The following TTR variants were observed in gnomAD, a reference collection of about 807,000 sequenced individuals.
TTR encodes the protein epididymis luminal protein 111.
A neutral mutation model predicts 13.7 loss-of-function variants in TTR; 8 were observed. That is an observed-to-expected ratio of 0.58 (90% confidence interval 0.34 to 1.05). The LOEUF (loss-of-function observed/expected upper bound fraction) is 1.05, where lower values mean the gene tolerates loss of function less well. TTR is among the 50% of genes least tolerant of loss of function. The pLI, the probability that TTR is intolerant of heterozygous loss-of-function variation, is 0.02. For missense variants in TTR, 135 were observed against 185.5 expected (o/e 0.73, Z 1.58); for synonymous variants, 75 against 71.7 (o/e 1.05, Z -0.23).
intron 3 of TTR, among the ~76,000 whole-genome samples, chr18:31,596,715 G>A (rs1472087339): frequency 6.6e-6 from 1 of 151,372 alleles, no homozygotes; most frequent in Non-Finnish European, 1.5e-5. Context: ...CACTCTGCTA[G>A]ATGCTGTGGA....
intron 2 of TTR, chr18:31,593,420 TC>T: frequency 7.3e-6 from 2 of 272,746 alleles, no homozygotes; most frequent in South Asian, 8.8e-5. Context: ...TTCCCTGGTG[TC>T]CCTGGGTAAC....
chr18:31,594,180 G>C (rs1336598443), intron 2 of TTR, among the ~76,000 whole-genome samples: 1 of 152,022 alleles, frequency 6.6e-6, no homozygotes, highest in Non-Finnish European at 1.5e-5. Flanking sequence ...AAGGAGGAGG[G>C]GCATAATCAG....
chr18:31,593,178 C>T, intron 2 of TTR, 152 bp downstream of exon 2: 2 of 1,151,202 alleles, frequency 1.7e-6, no homozygotes, highest in East Asian at 2.7e-5. Context: ...GAAGGATGCC[C>T]TCTTTTTGTT....
At chr18:31,594,741 G>A (rs1355662159) in intron 2 of TTR, among the ~76,000 whole-genome samples, 1 of 152,066 alleles carries the variant, frequency 6.6e-6, no homozygotes, top group African/African-American at 2.4e-5. Context: ...GCAGGCGCCT[G>A]TAATCCCAGC....
In TTR at chr18:31,591,978, GT is replaced by G; in HGVS notation, c.69+10del. ...GTCTGAGGCTGGCCCTACGGTGAGT[GT>G]TTCTGTGACATCCCATTCCTACATT... On this transcript the variant is annotated splice_region_variant and intron_variant, in intron 1 of 3. Coordinates refer to ENST00000237014, the MANE Select transcript of TTR (RefSeq NM_000371.4). The G allele has an allele frequency of 1.2e-6, 2 of 1,613,988 alleles. No homozygotes were observed. Among genetic ancestry groups the G allele is most frequent in the Non-Finnish European group, 1.7e-6 (2 of 1,179,914 alleles).
At chr18:31,592,844 C>G in intron 1 of TTR, 52 bp from the exon 2 acceptor site, 1 of 1,609,482 alleles carries the variant, frequency 6.2e-7, no homozygotes, top group Non-Finnish European at 8.5e-7. Context: ...AGAATAAATC[C>G]TTTCACTCTG....
intron 3 of TTR, among the ~76,000 whole-genome samples, chr18:31,597,714 C>T (rs1293913279): frequency 6.6e-6 from 1 of 152,212 alleles, no homozygotes; most frequent in Non-Finnish European, 1.5e-5. Context: ...CTACCTCTTT[C>T]CTGACCTCAA....
chr18:31,594,401 G>A (rs1056502759), intron 2 of TTR, among the ~76,000 whole-genome samples: 1 of 152,180 alleles, frequency 6.6e-6, no homozygotes, highest in Admixed American at 6.5e-5. Flanking sequence ...GTTTTCCACT[G>A]TGTGTGCAAA....
At chr18:31,598,445 T>C (rs1477224909) in intron 3 of TTR, 123 bp from the exon 4 acceptor site, 2 of 988,402 alleles carry the variant, frequency 2.0e-6, no homozygotes, top group African/African-American at 3.2e-5. Flanking sequence ...TTCAAACTGT[T>C]CCAAAATATA....
intron 2 of TTR, among the ~76,000 whole-genome samples, chr18:31,594,900 C>T (rs1477685851): frequency 2.0e-5 from 3 of 151,924 alleles, no homozygotes; most frequent in Non-Finnish European, 1.5e-5. Flanking sequence ...CTCTTCTTAT[C>T]AGAGAAAAAA....
intron 2 of TTR, 82 bp downstream of exon 2, chr18:31,593,108 A>G: frequency 6.3e-7 from 1 of 1,594,632 alleles, no homozygotes; most frequent in Non-Finnish European, 8.6e-7. Flanking sequence ...GGCTCACATC[A>G]TCTGCTAAAG....
In TTR at chr18:31,592,951, G is replaced by A. The variant is rs748604974; in HGVS notation, c.125G>A (p.Gly42Asp). 6.2e-7 allele frequency: 1 copy of A among 1,614,112 alleles called. No homozygotes were observed. The highest frequency in any genetic ancestry group is 8.5e-7 in the Non-Finnish European group (1 of 1,179,974). Residue 42 changes from glycine to aspartate, a missense_variant, in exon 2 of 4, where the codon GGC becomes GAC. By Grantham distance (94) the Gly-to-Asp change is moderately conservative. Coordinates refer to ENST00000237014, the MANE Select transcript of TTR (RefSeq NM_000371.4). ...LMVKVLDAVRGSPAINVAVHV... is the reference protein window; with the variant it reads ...LMVKVLDAVRDSPAINVAVHV... ...GTCAAAGTTCTAGATGCTGTCCGAG[G>A]CAGTCCTGCCATCAATGTGGCCGTG... is the stretch of plus-strand genomic sequence containing the variant.
chr18:31,596,142 C>T (rs2073515558), intron 3 of TTR: 2 of 154,446 alleles, frequency 1.3e-5, no homozygotes, highest in Admixed American at 1.3e-4. Flanking sequence ...TTTCTTAAGT[C>T]ATTTGAAACA....
At position 31,598,343 on chromosome 18, in the gene TTR, C is replaced by T. The variant is rs2073526834; in HGVS notation, c.337-225C>T. 1.1e-5 allele frequency: 7 copies of T among 655,008 alleles called. No individual in the cohort carries two copies. In the South Asian group the frequency reaches 1.1e-4, roughly 10 times the overall value. The allele number at this position is 655,008 out of a possible 1,614,324, so 40.6% of individuals were successfully genotyped here. ...CATCCTGACTTTCGGCGTGAATTTGCAAAACAAGACCTGACTCTGTACTCC... is the reference window on the plus strand; with the variant it reads ...CATCCTGACTTTCGGCGTGAATTTGTAAAACAAGACCTGACTCTGTACTCC... On this transcript the variant is annotated intron_variant, in intron 3 of 3. Coordinates refer to ENST00000237014, the MANE Select transcript of TTR (RefSeq NM_000371.4).
At position 31,598,791 on chromosome 18, in the gene TTR, C is replaced by A. The variant is rs11541783; in HGVS notation, c.*116C>A. On this transcript the variant is annotated 3_prime_UTR_variant, in exon 4 of 4. Coordinates refer to ENST00000237014, the MANE Select transcript of TTR (RefSeq NM_000371.4). Reference sequence around the variant, plus strand: ...TCATATGCTATGTTAGAAGTCCAGGCAGAGACAATAAAACATTCCTGTGAA... The same window carrying A: ...TCATATGCTATGTTAGAAGTCCAGGAAGAGACAATAAAACATTCCTGTGAA... 4 of 1,083,650 alleles carry A rather than the reference C, an allele frequency of 3.7e-6. No homozygotes were observed. Among genetic ancestry groups the A allele is most frequent in the African/African-American group, 3.1e-5 (2 of 64,198 alleles). 67.1% of individuals were successfully genotyped at this position (1,083,650 alleles called of 1,614,324 possible). A position where few individuals can be genotyped will look rare whatever the true frequency, so the allele number is the denominator to read the frequency against.
rs752304732 is a variant in TTR at position 31,595,185 on chromosome 18, A to G, written c.266A>G (p.Tyr89Cys). Reference sequence around the variant, plus strand: ...GAGGAGGAATTTGTAGAAGGGATATACAAAGTGGAAATAGACACCAAATCT... The same window carrying G: ...GAGGAGGAATTTGTAGAAGGGATATGCAAAGTGGAAATAGACACCAAATCT... ...TTEEEFVEGI[Y>C]KVEIDTKSYW... Residue 89 changes from tyrosine to cysteine, a missense_variant, in exon 3 of 4, where the codon TAC becomes TGC. Physicochemically the swap from Tyr to Cys is radical, Grantham distance 194. Transcript: ENST00000237014. 1 of 1,614,172 alleles carries G rather than the reference A, an allele frequency of 6.2e-7. No individual in the cohort carries two copies. The highest frequency in any genetic ancestry group is 1.7e-5 in the Admixed American group (1 of 60,026).
Position 31,591,945 on chromosome 18 carries a change from G to C in TTR, c.43G>C (p.Val15Leu). 1 of 1,614,142 alleles carries C rather than the reference G, an allele frequency of 6.2e-7. No individual in the cohort carries two copies. Among genetic ancestry groups the C allele is most frequent in the Non-Finnish European group, 8.5e-7 (1 of 1,180,034 alleles). The change falls in exon 1 of 4, where the codon GTA becomes CTA. Residue 15 changes from valine to leucine, a missense_variant. Coordinates refer to ENST00000237014, the MANE Select transcript of TTR (RefSeq NM_000371.4). Reference protein sequence around the residue: ...RLLLLCLAGLVFVSEAGPTGT... With the variant: ...RLLLLCLAGLLFVSEAGPTGT... The stretch of plus-strand genomic sequence containing the variant: ...GCTCCTCCTCTGCCTTGCTGGACTG[G>C]TATTTGTGTCTGAGGCTGGCCCTAC...
At chr18:31,597,965 C>A in intron 3 of TTR, 1 of 184,008 alleles carries the variant, frequency 5.4e-6, no homozygotes. Flanking sequence ...TATTTCATTG[C>A]TTGTTATACA....
Position 31,595,244 on chromosome 18 carries a change from G to A in TTR, c.325G>A (p.Glu109Lys), listed in dbSNP as rs121918082. The A allele has an allele frequency of 6.2e-7, 1 of 1,614,186 alleles. No homozygotes were observed. The highest frequency in any genetic ancestry group is 8.5e-7 in the Non-Finnish European group (1 of 1,180,030). ...WKALGISPFH[E>K]HAEVVFTAND... ...GGCACTTGGCATCTCCCCATTCCAT[G>A]AGCATGCAGAGGTGAGTATACAGAC... Residue 109 changes from glutamate to lysine, a missense_variant, in exon 3 of 4, where the codon GAG becomes AAG. Glu to Lys is a moderately conservative substitution (Grantham distance 56). Transcript: ENST00000237014.
Sources: gnomAD v4.1 joint callset for allele counts (sites outside exome capture counted in the v4.1 genomes callset) on GRCh38, gnomAD v4.1.1 for gene constraint, MANE v1.5 for transcripts, NCBI Gene and HGNC (gene_info 2026-07-23, HGNC 2026-07-21) for gene names.